The following HOMER2 variants were observed in gnomAD, a reference collection of about 807,000 sequenced individuals.
The protein encoded by HOMER2 is homer protein homolog 2.
In HOMER2, 27 loss-of-function variants were observed where a neutral mutation model predicts 47.0. That is an observed-to-expected ratio of 0.57 (90% CI 0.42 to 0.79). The LOEUF is 0.79. HOMER2 is among the 30% of genes least tolerant of loss of function. HOMER2 has a pLI of 0.00. For missense variants in HOMER2, 443 were observed against 435.0 expected, an observed-to-expected ratio of 1.02 and a Z score of -0.16; for synonymous variants, 161 against 163.8, an observed-to-expected ratio of 0.98 and a Z score of 0.13.
chr15:82,896,611 C>T (rs943212438), intron 1 of HOMER2, among the ~76,000 whole-genome samples: 6 of 152,224 alleles, frequency 3.9e-5, no homozygotes, highest in Non-Finnish European at 7.3e-5. Flanking sequence ...GGGAGGGGTA[C>T]TGCAGGGCCT....
At chr15:82,944,005 G>C (rs1416668431) in intron 1 of HOMER2, among the ~76,000 whole-genome samples, 1 of 152,000 alleles carries the variant, frequency 6.6e-6, no homozygotes, top group Non-Finnish European at 1.5e-5. Context: ...ATTCCTCAGA[G>C]GAATAATAAT....
intron 1 of HOMER2, among the ~76,000 whole-genome samples, chr15:82,978,367 T>C (rs141253689): frequency 5.9e-5 from 9 of 152,210 alleles, no homozygotes; most frequent in Non-Finnish European, 1.2e-4. Flanking sequence ...ACTAGGTATA[T>C]GAAAGACATA....
intron 1 of HOMER2, among the ~76,000 whole-genome samples, chr15:82,927,344 G>A (rs1284054137): frequency 6.6e-6 from 1 of 152,038 alleles, no homozygotes; most frequent in Non-Finnish European, 1.5e-5. Flanking sequence ...CCCATGAACA[G>A]TGCCTAGCCT....
chr15:82,868,837 C>A (rs2052079408), intron 3 of HOMER2, among the ~76,000 whole-genome samples: 2 of 138,608 alleles, frequency 1.4e-5, no homozygotes, highest in African/African-American at 5.3e-5. Context: ...AGGCATGAGC[C>A]ACTGCGCTCA....
chr15:82,875,379 G>C lies in HOMER2; in HGVS notation c.188C>G (p.Pro63Arg). The change falls in exon 3 of 9, where the codon CCG becomes CGG. Residue 63 changes from proline (P) to arginine (R), a missense_variant. Transcript: ENST00000450735. Reference protein sequence around the residue: ...AKVIINSTITPNMTFTKTSQK... With the variant: ...AKVIINSTITRNMTFTKTSQK... ...TGACGTTTTGGTGAAGGTCATATTC[G>C]GTGTGATTGTGCTGTTTATGATCAC... The C allele has an allele frequency of 6.2e-7, 1 of 1,613,932 alleles. No homozygotes were observed. The highest frequency in any genetic ancestry group is 8.5e-7 in the Non-Finnish European group (1 of 1,179,848).
intron 1 of HOMER2, among the ~76,000 whole-genome samples, chr15:82,981,659 C>T (rs2030400156): frequency 6.6e-6 from 1 of 152,152 alleles, no homozygotes; most frequent in African/African-American, 2.4e-5. Flanking sequence ...TGTAAACATA[C>T]AATGCAATAT....
intron 1 of HOMER2, among the ~76,000 whole-genome samples, chr15:82,969,003 T>C (rs758536615): frequency 6.6e-6 from 1 of 152,224 alleles, no homozygotes; most frequent in Admixed American, 6.5e-5. Flanking sequence ...TAAGACATAA[T>C]TGATCACATC....
At chr15:82,925,712 G>T (rs2053838406) in intron 1 of HOMER2, among the ~76,000 whole-genome samples, 1 of 151,980 alleles carries the variant, frequency 6.6e-6, no homozygotes, top group Non-Finnish European at 1.5e-5. Context: ...CTCCATACCA[G>T]GTTAGATACC....
At chr15:82,954,511 G>T (rs1205117909), upstream of HOMER2, among the ~76,000 whole-genome samples, 1 of 146,602 alleles carries the variant, frequency 6.8e-6, no homozygotes, top group Non-Finnish European at 1.5e-5. Flanking sequence ...ACCATGTTTC[G>T]ATCTCCTGAC....
chr15:82,889,719 C>G (rs1305748744), intron 2 of HOMER2, among the ~76,000 whole-genome samples: 1 of 152,186 alleles, frequency 6.6e-6, no homozygotes. Context: ...AGGGTTCTCT[C>G]TCCATGCCCA....
intron 3 of HOMER2, among the ~76,000 whole-genome samples, chr15:82,874,675 G>A (rs566891526): frequency 1.3e-5 from 2 of 152,312 alleles, no homozygotes; most frequent in Middle Eastern, 3.4e-3. Flanking sequence ...AGGCACGTGG[G>A]GAGTCCAAGC....
At chr15:82,939,830 A>G (rs1429410882) in intron 1 of HOMER2, among the ~76,000 whole-genome samples, 1 of 151,778 alleles carries the variant, frequency 6.6e-6, no homozygotes, top group African/African-American at 2.4e-5. Flanking sequence ...ATGTCCATCA[A>G]TGATAGACTG....
intron 1 of HOMER2, among the ~76,000 whole-genome samples, chr15:82,932,494 C>T (rs1028680059): frequency 2.0e-5 from 3 of 149,856 alleles, no homozygotes; most frequent in Non-Finnish European, 4.4e-5. Flanking sequence ...CAGCAAGACT[C>T]TGTCTCAAAA....
chr15:82,952,851 G>C (rs950774364), upstream of HOMER2: 2 of 312,460 alleles, frequency 6.4e-6, no homozygotes, highest in African/African-American at 2.3e-5. Context: ...GGCGGGGGGC[G>C]CAGCACTGTG....
At chr15:82,850,647 G>A (rs1240189560) in intron 8 of HOMER2, among the ~76,000 whole-genome samples, 1 of 152,224 alleles carries the variant, frequency 6.6e-6, no homozygotes, top group Admixed American at 6.5e-5. Context: ...CAATTCCAGG[G>A]TCATGTAACT....
At chr15:82,843,126 T>A (rs894438831) in exon 2 of HOMER2, 2 of 152,048 alleles carry the variant, frequency 1.3e-5, no homozygotes, top group African/African-American at 4.8e-5. Context: ...TGGTGAATAT[T>A]TATACAACCT....
At chr15:82,877,099 C>T (rs1050131361) in intron 2 of HOMER2, among the ~76,000 whole-genome samples, 13 of 152,216 alleles carry the variant, frequency 8.5e-5, no homozygotes, top group African/African-American at 3.1e-4. Flanking sequence ...TTAAACCTTA[C>T]AACGAGCCTA....
At position 82,944,187 on chromosome 15, in the gene HOMER2, T is replaced by C. The variant is rs534798549; in HGVS notation, c.5+8344A>G. Reference sequence around the variant, plus strand: ...TACCATATGACTAACAGCACCCCGGTGGCAGAACTACTGGAGTCTTCATCA... The same window carrying C: ...TACCATATGACTAACAGCACCCCGGCGGCAGAACTACTGGAGTCTTCATCA... On this transcript the variant is annotated intron_variant, in intron 1 of 8. Transcript: ENST00000450735. 1.9e-4 allele frequency among the ~76,000 whole-genome samples: 29 copies of C among 152,322 alleles called. 1 individual carries two copies. The South Asian group carries it at 5.4e-3, about 28-fold the overall frequency.
At chr15:82,979,525 A>G (rs546532672) in intron 1 of HOMER2, among the ~76,000 whole-genome samples, 2 of 152,300 alleles carry the variant, frequency 1.3e-5, no homozygotes, top group African/African-American at 4.8e-5. Context: ...GAGCAAGGCT[A>G]GATACAGGGA....
Sources: gnomAD v4.1 joint callset for allele counts (sites outside exome capture counted in the v4.1 genomes callset) on GRCh38, gnomAD v4.1.1 for gene constraint, MANE v1.5 for transcripts, NCBI Gene and HGNC (gene_info 2026-07-23, HGNC 2026-07-21) for gene names.